KCND2: variants seen among roughly 807,000 people sequenced by gnomAD.
KCND2 encodes A-type voltage-gated potassium channel KCND2.
Under a neutral mutation model 54.4 loss-of-function variants are expected in KCND2, and 16 were observed. The observed-to-expected ratio is 0.29, with a 90% CI of 0.20 to 0.45. The LOEUF is 0.45. KCND2 is among the 20% of genes least tolerant of loss of function. The pLI is 1.00. For missense variants in KCND2, 486 were observed against 824.2 expected (o/e 0.59, Z 5.02); for synonymous variants, 317 against 310.7 (o/e 1.02, Z -0.21).
intron 1 of KCND2, among the ~76,000 whole-genome samples, chr7:120,681,661 G>A (rs538569885): frequency 6.6e-6 from 1 of 151,684 alleles, no homozygotes; most frequent in East Asian, 1.9e-4. Flanking sequence ...TGAGTTTTAG[G>A]CTTTCTAATT....
At chr7:120,596,329 G>A (rs1792745153) in intron 1 of KCND2, among the ~76,000 whole-genome samples, 1 of 152,154 alleles carries the variant, frequency 6.6e-6, no homozygotes, top group Non-Finnish European at 1.5e-5. Flanking sequence ...AAGCAGGAAT[G>A]CATCTGCTCC....
At chr7:120,556,130 C>G (rs1792160284) in intron 1 of KCND2, among the ~76,000 whole-genome samples, 1 of 152,088 alleles carries the variant, frequency 6.6e-6, no homozygotes, top group Non-Finnish European at 1.5e-5. Context: ...TGTATTACTT[C>G]AAAGAGATTG....
intron 5 of KCND2, among the ~76,000 whole-genome samples, chr7:120,746,555 A>G (rs913919265): frequency 1.6e-4 from 24 of 152,294 alleles, no homozygotes; most frequent in Non-Finnish European, 3.1e-4. Context: ...CACAAAATCA[A>G]CATAATACAA....
chr7:120,510,254 C>T (rs1201362928), intron 1 of KCND2, among the ~76,000 whole-genome samples: 2 of 152,054 alleles, frequency 1.3e-5, no homozygotes, highest in East Asian at 3.9e-4. Context: ...CATTAAAGTT[C>T]ATGTTTAACA....
At chr7:120,502,885 A>C (rs1802956700) in intron 1 of KCND2, among the ~76,000 whole-genome samples, 1 of 152,096 alleles carries the variant, frequency 6.6e-6, no homozygotes, top group South Asian at 2.1e-4. Context: ...TGGTGGGAAC[A>C]GTTAGACTCA....
intron 1 of KCND2, among the ~76,000 whole-genome samples, chr7:120,518,537 G>A (rs984435561): frequency 6.6e-6 from 1 of 152,106 alleles, no homozygotes; most frequent in African/African-American, 2.4e-5. Context: ...TCATCAGCTA[G>A]AATGAGATTC....
intron 1 of KCND2, among the ~76,000 whole-genome samples, chr7:120,629,147 C>A (rs547019329): frequency 6.6e-6 from 1 of 152,224 alleles, no homozygotes; most frequent in South Asian, 2.1e-4. Context: ...GCAGGAGAAA[C>A]AAGTTGAAGG....
Position 120,502,419 on chromosome 7 carries a change from G to A in KCND2, c.1115+226672G>A, listed in dbSNP as rs912702596. ...CAGTTTTTACTAGACTGGCAAGAAG[G>A]CTCTATCTTCCCTAGGTCTAGCAGG... is the stretch of plus-strand genomic sequence containing the variant. On this transcript the variant is annotated intron_variant, in intron 1 of 5. Transcript: ENST00000331113. Among the ~76,000 whole-genome samples the A allele has an allele frequency of 5.3e-5, 8 of 151,970 alleles. No individual in the cohort carries two copies. In the East Asian group the frequency reaches 1.4e-3, roughly 26 times the overall value.
chr7:120,282,247 A>G (rs931383443), intron 1 of KCND2, among the ~76,000 whole-genome samples: 1 of 152,174 alleles, frequency 6.6e-6, no homozygotes, highest in Non-Finnish European at 1.5e-5. Flanking sequence ...CATCACTAGA[A>G]AGGTGTTCTC....
rs759967470 is a variant in KCND2 at position 120,517,007 on chromosome 7, C to A, written c.1116-215896C>A. On this transcript the variant is annotated intron_variant, in intron 1 of 5. Coordinates refer to ENST00000331113, the MANE Select transcript of KCND2 (RefSeq NM_012281.3). ...AAAATTTTATTTTCTCCAAAGGAAA[C>A]TATTTGATCCAGTAAAATAATTTTA... is the stretch of plus-strand genomic sequence containing the variant. 2.0e-3 allele frequency among the ~76,000 whole-genome samples: 312 copies of A among 152,210 alleles called. 1 individual carries two copies. Among genetic ancestry groups the A allele is most frequent in the Non-Finnish European group, 3.4e-3 (234 of 67,980 alleles).
intron 1 of KCND2, among the ~76,000 whole-genome samples, chr7:120,378,897 G>A (rs1800873699): frequency 6.6e-6 from 1 of 151,856 alleles, no homozygotes; most frequent in Admixed American, 6.6e-5. Context: ...GTGGCAAATG[G>A]CTCATGTCTT....
intron 1 of KCND2, among the ~76,000 whole-genome samples, chr7:120,476,045 T>A (rs984152390): frequency 6.6e-6 from 1 of 152,226 alleles, no homozygotes; most frequent in Non-Finnish European, 1.5e-5. Context: ...GGTTTTAACA[T>A]GTAGTTACTT....
chr7:120,719,236 A>G (rs544204085), intron 1 of KCND2, among the ~76,000 whole-genome samples: 1 of 152,302 alleles, frequency 6.6e-6, no homozygotes. Context: ...TGTATTTATA[A>G]AACCACTACC....
intron 1 of KCND2, among the ~76,000 whole-genome samples, chr7:120,419,340 T>TA (rs1036339175): frequency 2.6e-5 from 4 of 152,016 alleles, no homozygotes; most frequent in South Asian, 4.2e-4. Context: ...CTTTTGCATT[T>TA]AAAAAAAATA....
chr7:120,581,026 T>C (rs1792508643), intron 1 of KCND2, among the ~76,000 whole-genome samples: 1 of 152,246 alleles, frequency 6.6e-6, no homozygotes, highest in South Asian at 2.1e-4. Context: ...GAGATAACTT[T>C]CAATAAAATA....
intron 1 of KCND2, among the ~76,000 whole-genome samples, chr7:120,417,760 A>AC (rs1426338710): frequency 6.6e-6 from 1 of 152,158 alleles, no homozygotes; most frequent in African/African-American, 2.4e-5. Context: ...CAGAGTGGAA[A>AC]CGCACCATTT....
intron 1 of KCND2, among the ~76,000 whole-genome samples, chr7:120,673,354 G>A (rs1260392678): frequency 6.6e-6 from 1 of 151,954 alleles, no homozygotes; most frequent in African/African-American, 2.4e-5. Flanking sequence ...CCAAATCCTT[G>A]TTTGCAATTA....
chr7:120,571,596 A>T (rs576592301), intron 1 of KCND2, among the ~76,000 whole-genome samples: 1 of 152,360 alleles, frequency 6.6e-6, no homozygotes, highest in Non-Finnish European at 1.5e-5. Context: ...TTTATTTTAC[A>T]TAAAGCATCA....
intron 1 of KCND2, among the ~76,000 whole-genome samples, chr7:120,714,943 T>C (rs1040049403): frequency 6.6e-5 from 10 of 152,076 alleles, no homozygotes; most frequent in Non-Finnish European, 4.4e-5. Flanking sequence ...AAATACTAAA[T>C]ATACTGGGAT....
Sources: gnomAD v4.1 joint callset for allele counts (sites outside exome capture counted in the v4.1 genomes callset) on GRCh38, gnomAD v4.1.1 for gene constraint, MANE v1.5 for transcripts, NCBI Gene and HGNC (gene_info 2026-07-23, HGNC 2026-07-21) for gene names.